Variants in DCC observed in about 807,000 individuals in gnomAD.
The protein encoded by DCC is DCC netrin 1 receptor.
Under a neutral mutation model 172.5 loss-of-function variants are expected in DCC, and 58 were observed. That is an observed-to-expected ratio of 0.34 (90% CI 0.27 to 0.42). DCC has a LOEUF of 0.42. Ranked by LOEUF, DCC falls within the 10% of genes least tolerant of loss-of-function variation. The pLI is 1.00. For synonymous variants in DCC, 709 were observed against 644.5 expected (o/e 1.10, Z -1.52); for missense variants, 1,740 against 1,791.0 (o/e 0.97, Z 0.51).
intron 1 of DCC, among the ~76,000 whole-genome samples, chr18:52,695,405 T>TA (rs1237110651): frequency 6.6e-6 from 1 of 152,170 alleles, no homozygotes; most frequent in African/African-American, 2.4e-5. Context: ...TGTTGGATGA[T>TA]AGAGAGGGTT....
intron 1 of DCC, among the ~76,000 whole-genome samples, chr18:52,592,017 T>C (rs931337878): frequency 6.6e-6 from 1 of 152,184 alleles, no homozygotes; most frequent in African/African-American, 2.4e-5. Context: ...AATAGTCTTA[T>C]ATTACTTGGA....
intron 15 of DCC, among the ~76,000 whole-genome samples, chr18:53,346,901 G>A (rs904783757): frequency 8.5e-5 from 13 of 152,070 alleles, no homozygotes; most frequent in Non-Finnish European, 1.9e-4. Context: ...TACAATCCTT[G>A]AAAATTTTTT....
At chr18:53,228,027 G>A (rs2056061417) in intron 12 of DCC, among the ~76,000 whole-genome samples, 1 of 152,080 alleles carries the variant, frequency 6.6e-6, no homozygotes, top group South Asian at 2.1e-4. Flanking sequence ...TATCTTTTAT[G>A]CATAGATAAG....
intron 7 of DCC, among the ~76,000 whole-genome samples, chr18:53,068,048 A>T (rs939675768): frequency 1.3e-5 from 2 of 152,202 alleles, no homozygotes; most frequent in African/African-American, 2.4e-5. Context: ...AGCTAAAGGA[A>T]CTATGTAGGA....
At chr18:53,074,298 T>C (rs1012607615) in intron 7 of DCC, among the ~76,000 whole-genome samples, 3 of 152,280 alleles carry the variant, frequency 2.0e-5, no homozygotes, top group African/African-American at 7.2e-5. Context: ...GGTAAATGGG[T>C]CCTTATAGTT....
intron 7 of DCC, among the ~76,000 whole-genome samples, chr18:53,085,013 A>T (rs2144147308): frequency 6.6e-6 from 1 of 152,280 alleles, no homozygotes; most frequent in South Asian, 2.1e-4. Flanking sequence ...AAAATAGGGG[A>T]TCCCATAGTT....
chr18:53,248,849 C>A (rs1458359784), intron 12 of DCC, among the ~76,000 whole-genome samples: 1 of 151,994 alleles, frequency 6.6e-6, no homozygotes, highest in Admixed American at 6.6e-5. Flanking sequence ...TACATAAACA[C>A]AAAAATTGTT....
chr18:53,068,787 G>A (rs2042610672), intron 7 of DCC, among the ~76,000 whole-genome samples: 1 of 151,350 alleles, frequency 6.6e-6, no homozygotes, highest in Non-Finnish European at 1.5e-5. Flanking sequence ...GTGTGTGTGT[G>A]TGTGTGTGTG....
At chr18:53,344,213 T>C (rs1299987075) in intron 15 of DCC, among the ~76,000 whole-genome samples, 2 of 152,074 alleles carry the variant, frequency 1.3e-5, no homozygotes, top group Non-Finnish European at 2.9e-5. Context: ...ATATGAACTT[T>C]ATAATGTATA....
chr18:52,540,261 C>G (rs958977968), intron 1 of DCC, among the ~76,000 whole-genome samples: 1 of 151,950 alleles, frequency 6.6e-6, no homozygotes, highest in African/African-American at 2.4e-5. Context: ...TATAGCAAGG[C>G]CTTGTCTCTA....
At chr18:53,100,289 T>C (rs979352938) in intron 7 of DCC, among the ~76,000 whole-genome samples, 5 of 151,988 alleles carry the variant, frequency 3.3e-5, no homozygotes, top group East Asian at 1.9e-4. Flanking sequence ...TAGCATGAAA[T>C]GAGAAAAGAG....
At chr18:53,498,288 A>G (rs1347919927) in intron 26 of DCC, among the ~76,000 whole-genome samples, 1 of 152,162 alleles carries the variant, frequency 6.6e-6, no homozygotes, top group Non-Finnish European at 1.5e-5. Context: ...ATCTTGAAAT[A>G]TTTCCTGGTT....
At chr18:52,916,172 T>G (rs1174832166) in intron 3 of DCC, among the ~76,000 whole-genome samples, 2 of 151,410 alleles carry the variant, frequency 1.3e-5, no homozygotes, top group African/African-American at 4.8e-5. Flanking sequence ...TGGTAAACAC[T>G]TCTGAGGTCA....
At chr18:53,045,577 A>C (rs2042227077) in intron 5 of DCC, among the ~76,000 whole-genome samples, 1 of 151,956 alleles carries the variant, frequency 6.6e-6, no homozygotes, top group Non-Finnish European at 1.5e-5. Context: ...GTTTATTTAC[A>C]ATATGCAAGG....
At chr18:53,418,298 A>G (rs2145071699) in intron 21 of DCC, among the ~76,000 whole-genome samples, 1 of 152,282 alleles carries the variant, frequency 6.6e-6, no homozygotes, top group South Asian at 2.1e-4. Flanking sequence ...CTGCACCCTC[A>G]AAGCACGTTT....
chr18:53,186,123 G>A (rs562062468), intron 9 of DCC, among the ~76,000 whole-genome samples: 1 of 152,260 alleles, frequency 6.6e-6, no homozygotes, highest in South Asian at 2.1e-4. Flanking sequence ...CACACAGTAC[G>A]ATTCAGGCTT....
intron 7 of DCC, among the ~76,000 whole-genome samples, chr18:53,106,048 T>C (rs2043241761): frequency 1.3e-5 from 2 of 151,684 alleles, no homozygotes; most frequent in South Asian, 4.1e-4. Context: ...TGTATTTTAT[T>C]TGACTGTGGC....
chr18:53,418,680 C>T (rs1005843792), intron 21 of DCC, among the ~76,000 whole-genome samples: 1 of 151,926 alleles, frequency 6.6e-6, no homozygotes, highest in Admixed American at 6.6e-5. Flanking sequence ...TTTGATTGTC[C>T]TAAAAAAAGT....
intron 19 of DCC, among the ~76,000 whole-genome samples, chr18:53,407,042 C>T (rs1021142360): frequency 1.3e-5 from 2 of 152,114 alleles, no homozygotes; most frequent in Non-Finnish European, 2.9e-5. Context: ...GCACCTTCAA[C>T]TTTAGTTTGA....
Sources: gnomAD v4.1 joint callset for allele counts (sites outside exome capture counted in the v4.1 genomes callset) on GRCh38, gnomAD v4.1.1 for gene constraint, MANE v1.5 for transcripts, NCBI Gene and HGNC (gene_info 2026-07-23, HGNC 2026-07-21) for gene names.